Variants in LCA5L observed in about 807,000 individuals in gnomAD.
The protein encoded by LCA5L is lebercilin-like protein.
In LCA5L, 35 loss-of-function variants were observed where a neutral mutation model predicts 45.4. The ratio of observed to expected loss-of-function variants is 0.77; its 90% CI spans 0.59 to 1.02. LCA5L has a LOEUF of 1.02. Among genes scored for constraint, LCA5L ranks in the 50% least tolerant of loss-of-function variants. LCA5L has a pLI of 0.00. For missense variants in LCA5L, 668 were observed against 761.6 expected, an observed-to-expected ratio of 0.88 and a Z score of 1.45; for synonymous variants, 233 against 264.7, an observed-to-expected ratio of 0.88 and a Z score of 1.16.
rs756096246 is a variant in LCA5L at position 39,435,459 on chromosome 21, T to C, written c.-131A>G. 2.0e-5 allele frequency: 3 copies of C among 152,222 alleles called. No individual in the cohort carries two copies. The highest frequency in any genetic ancestry group is 4.4e-5 in the Non-Finnish European group (3 of 68,038). 9.4% of individuals were successfully genotyped at this position (152,222 alleles called of 1,614,324 possible). On this transcript the variant is annotated 5_prime_UTR_variant, in exon 3 of 11. Transcript: ENST00000288350. ...TAAACTTCCCTAAGATGTCTGATGA[T>C]AAACTGAAGATAAGCACAGGGTTCT...
intron 3 of LCA5L, among the ~76,000 whole-genome samples, chr21:39,433,782 TGA>T (rs1413073051): frequency 4.0e-5 from 6 of 150,050 alleles, no homozygotes; most frequent in Non-Finnish European, 7.4e-5. Flanking sequence ...TTTTTTTTTT[TGA>T]GAGAGGGTCT....
In LCA5L at chr21:39,426,921, G is replaced by A. The variant is rs2837024; in HGVS notation, c.322+1251C>T. 5.3e-5 allele frequency among the ~76,000 whole-genome samples: 8 copies of A among 152,154 alleles called. No individual in the cohort carries two copies. In the East Asian group the frequency reaches 5.8e-4, roughly 11 times the overall value. On this transcript the variant is annotated intron_variant, in intron 5 of 10. Coordinates refer to ENST00000288350, the MANE Select transcript of LCA5L (RefSeq NM_152505.4). ...AGACTCTGATGAAAGGTACAGGGCC[G>A]TCTAGAAAAGTTTACAAACACACAT... is the stretch of plus-strand genomic sequence containing the variant.
intron 10 of LCA5L, 39 bp from the exon 11 acceptor site, chr21:39,406,651 T>C (rs769196537): frequency 6.9e-7 from 1 of 1,453,386 alleles, no homozygotes; most frequent in South Asian, 1.4e-5. Flanking sequence ...CTGTTTAAAA[T>C]GAATGGATCT....
chr21:39,442,368 T>C (rs147247179), intron 2 of LCA5L, among the ~76,000 whole-genome samples: 23 of 152,160 alleles, frequency 1.5e-4, no homozygotes, highest in African/African-American at 4.8e-4. Flanking sequence ...GTTTATGATG[T>C]GGATCATTAA....
At chr21:39,412,220 G>T (rs1434098539) in intron 7 of LCA5L, among the ~76,000 whole-genome samples, 1 of 152,204 alleles carries the variant, frequency 6.6e-6, no homozygotes, top group Non-Finnish European at 1.5e-5. Flanking sequence ...GCAGCTGTGT[G>T]TGACTAGTGA....
intron 3 of LCA5L, among the ~76,000 whole-genome samples, chr21:39,434,710 G>A (rs1569122623): frequency 2.6e-5 from 4 of 151,938 alleles, no homozygotes. Context: ...AAGAGATAGG[G>A]TCTCACTATG....
chr21:39,408,098 T>C (rs2039423868), intron 10 of LCA5L, among the ~76,000 whole-genome samples: 1 of 152,226 alleles, frequency 6.6e-6, no homozygotes, highest in African/African-American at 2.4e-5. Flanking sequence ...TGCATGTACT[T>C]TCCTCAGAAG....
At chr21:39,418,536 T>C (rs1433016884) in intron 7 of LCA5L, among the ~76,000 whole-genome samples, 1 of 152,172 alleles carries the variant, frequency 6.6e-6, no homozygotes, top group Non-Finnish European at 1.5e-5. Flanking sequence ...AGCCTCACTC[T>C]GTCACCCAGG....
intron 4 of LCA5L, 39 bp from the exon 5 acceptor site, chr21:39,428,542 GAATT>G (rs2075160334): frequency 1.1e-6 from 1 of 880,506 alleles, no homozygotes; most frequent in East Asian, 3.4e-5. Context: ...AAGTATTTTT[GAATT>G]TATTGACATT....
intron 6 of LCA5L, among the ~76,000 whole-genome samples, chr21:39,421,101 GTTTTTTT>G (rs200770360): frequency 6.4e-5 from 8 of 125,412 alleles, no homozygotes; most frequent in South Asian, 2.6e-4. Flanking sequence ...TTAACAATTC[GTTTTTTT>G]TTTTTTTTTT....
chr21:39,420,521 T>C (rs1156958541), intron 7 of LCA5L, among the ~76,000 whole-genome samples, 185 bp downstream of exon 7: 2 of 4,286 alleles, frequency 4.7e-4, no homozygotes, highest in Non-Finnish European at 8.3e-4. Flanking sequence ...AGATTCTATC[T>C]CAAAAAAAAA....
In LCA5L at chr21:39,406,040, C is replaced by T. The variant is rs1410094567; in HGVS notation, c.1855G>A (p.Ala619Thr). ...TGCAAAGGCTCCTCTGAGCCTTTTGCAACACCAGGACTTGATTGGTCAGTT... is the reference window on the plus strand; with the variant it reads ...TGCAAAGGCTCCTCTGAGCCTTTTGTAACACCAGGACTTGATTGGTCAGTT... ...LKTDQSSPGV[A>T]KGSEEPLQSK... The change falls in exon 11 of 11, where the codon GCA becomes ACA. Residue 619 changes from alanine (A) to threonine (T), a missense_variant. Physicochemically the swap from Ala to Thr is moderately conservative, Grantham distance 58. Transcript: ENST00000288350. The T allele has an allele frequency of 6.2e-7, 1 of 1,614,214 alleles. No individual in the cohort carries two copies. Among genetic ancestry groups the T allele is most frequent in the Admixed American group, 1.7e-5 (1 of 60,030 alleles).
intron 2 of LCA5L, among the ~76,000 whole-genome samples, chr21:39,440,969 T>C (rs1482938570): frequency 6.6e-6 from 1 of 152,232 alleles, no homozygotes; most frequent in African/African-American, 2.4e-5. Flanking sequence ...TTATCTACTT[T>C]TATGTGTCCC....
chr21:39,438,013 G>C (rs556881634), intron 2 of LCA5L, among the ~76,000 whole-genome samples: 1 of 152,078 alleles, frequency 6.6e-6, no homozygotes, highest in South Asian at 2.1e-4. Flanking sequence ...TGTGAAATTT[G>C]ACCAAACGAT....
chr21:39,420,861 T>C lies in LCA5L; in HGVS notation c.838-18A>G. 1 of 1,581,406 alleles carries C rather than the reference T, an allele frequency of 6.3e-7. No individual in the cohort carries two copies. The highest frequency in any genetic ancestry group is 2.3e-5 in the East Asian group (1 of 44,246). ...TCCAAGCTCTGAAAACAGTATATATTATAACTATTCTGCAACCAAGTTAGT... is the reference window on the plus strand; with the variant it reads ...TCCAAGCTCTGAAAACAGTATATATCATAACTATTCTGCAACCAAGTTAGT... On this transcript the variant is annotated intron_variant, in intron 6 of 10. Transcript: ENST00000288350.
At chr21:39,419,536 G>C (rs74693568) in intron 7 of LCA5L, among the ~76,000 whole-genome samples, 3 of 129,014 alleles carry the variant, frequency 2.3e-5, no homozygotes, top group African/African-American at 3.4e-5. Flanking sequence ...AAAAAAAAAA[G>C]AAAAAAGAAA....
At chr21:39,428,941 T>C (rs1187137995) in intron 4 of LCA5L, among the ~76,000 whole-genome samples, 190 bp downstream of exon 4, 1 of 151,956 alleles carries the variant, frequency 6.6e-6, no homozygotes, top group African/African-American at 2.4e-5. Flanking sequence ...ATACTTTCAA[T>C]AAGCCCTCTT....
At position 39,406,211 on chromosome 21, in the gene LCA5L, T is replaced by C; in HGVS notation, c.1684A>G (p.Arg562Gly). ...SHSTGKHLSN[R>G]EEMELEHSDS... Reference sequence around the variant, plus strand: ...GAATGCTCTAGCTCCATTTCCTCTCTGTTACTGAGATGCTTGCCTGTACTA... The same window carrying C: ...GAATGCTCTAGCTCCATTTCCTCTCCGTTACTGAGATGCTTGCCTGTACTA... Residue 562 changes from arginine (R) to glycine (G), a missense_variant, in exon 11 of 11, where the codon AGA (arginine) becomes GGA (glycine). Arg to Gly is a moderately radical substitution (Grantham distance 125). Transcript: ENST00000288350. 2 of 1,614,270 alleles carry C rather than the reference T, an allele frequency of 1.2e-6. No homozygotes were observed. Among genetic ancestry groups the C allele is most frequent in the Middle Eastern group, 3.3e-4 (2 of 6,062 alleles).
intron 3 of LCA5L, among the ~76,000 whole-genome samples, chr21:39,433,477 C>T (rs542199255): frequency 1.3e-5 from 2 of 150,556 alleles, no homozygotes; most frequent in South Asian, 4.2e-4. Context: ...TTTGCATGAC[C>T]TGAGGTCACA....
Sources: allele counts gnomAD v4.1 joint callset (sites outside exome capture counted in the v4.1 genomes callset), GRCh38; gene constraint gnomAD v4.1.1; transcripts MANE v1.5; gene names NCBI Gene and HGNC (gene_info 2026-07-23, HGNC 2026-07-21).